The following CDNF variants were observed in gnomAD, a reference collection of about 807,000 sequenced individuals.
CDNF encodes cerebral dopamine neurotrophic factor, also known as ARMET-like protein 1.
CDNF carries 9 observed loss-of-function variants against 14.8 expected under a neutral mutation model. That is an observed-to-expected ratio of 0.61 (90% confidence interval 0.37 to 1.06). CDNF has a LOEUF of 1.06. CDNF is among the 50% of genes least tolerant of loss of function. CDNF has a pLI of 0.01. For missense variants in CDNF, 228 were observed against 228.4 expected (o/e 1.00, Z 0.01); for synonymous variants, 86 against 87.2 (o/e 0.99, Z 0.07).
chr10:14,828,330 C>A, intron 1 of CDNF, 58 bp from the exon 2 acceptor site: 1 of 1,548,326 alleles, frequency 6.5e-7, no homozygotes, highest in South Asian at 1.1e-5. Flanking sequence ...CACACCTATG[C>A]ATATGACCCA....
In CDNF at chr10:14,826,194, CAGAAGA is replaced by C. The variant is rs372563801; in HGVS notation, c.244-580_244-575del. Among the ~76,000 whole-genome samples, 893 of 113,334 alleles carry C rather than the reference CAGAAGA, an allele frequency of 7.9e-3. 28 individuals carry two copies. The highest frequency in any genetic ancestry group is 0.023 in the African/African-American group (610 of 26,220). 74.4% of individuals were successfully genotyped at this position (113,334 alleles called of 152,430 possible). ...GAAGCAGCAGCAGAAGCAGAAGCAG[CAGAAGA>C]AGAAGAAGAAGAAGAAGAAGCAGAA... is the stretch of plus-strand genomic sequence containing the variant. On this transcript the variant is annotated intron_variant, in intron 2 of 3. Transcript: ENST00000465530.
chr10:14,832,084 T>C (rs958622267), intron 1 of CDNF, among the ~76,000 whole-genome samples: 2 of 151,924 alleles, frequency 1.3e-5, no homozygotes, highest in African/African-American at 4.8e-5. Flanking sequence ...AGAAGAAAAA[T>C]AAACATGGTA....
intron 1 of CDNF, among the ~76,000 whole-genome samples, chr10:14,830,492 G>T (rs1174134266): frequency 6.6e-6 from 1 of 152,068 alleles, no homozygotes; most frequent in African/African-American, 2.4e-5. Flanking sequence ...CTATTTCTTA[G>T]AACTTTAACT....
chr10:14,831,567 C>CAT (rs538217592), intron 1 of CDNF, among the ~76,000 whole-genome samples: 3,390 of 145,712 alleles, frequency 0.023, 51 homozygotes, highest in East Asian at 0.11. Flanking sequence ...CACACACACA[C>CAT]ATATATATAT....
intron 3 of CDNF, among the ~76,000 whole-genome samples, chr10:14,823,393 CAAT>C (rs1181384224): frequency 3.3e-5 from 5 of 152,070 alleles, no homozygotes; most frequent in African/African-American, 7.2e-5. Context: ...CATTTCGTCT[CAAT>C]AATATCTGAT....
At chr10:14,826,388 A>C (rs370437008) in intron 2 of CDNF, among the ~76,000 whole-genome samples, 20 of 151,642 alleles carry the variant, frequency 1.3e-4, no homozygotes, top group African/African-American at 2.9e-4. Flanking sequence ...GCAGAAGAAG[A>C]AGCAGAAGAA....
At chr10:14,823,489 CAA>C (rs1400725885) in intron 3 of CDNF, among the ~76,000 whole-genome samples, 1 of 152,144 alleles carries the variant, frequency 6.6e-6, no homozygotes, top group Admixed American at 6.6e-5. Context: ...TTTAAAAAAT[CAA>C]AAGAGGTTTG....
At chr10:14,836,237 G>T (rs928877498) in intron 1 of CDNF, 59 of 152,270 alleles carry the variant, frequency 3.9e-4, no homozygotes, top group African/African-American at 1.3e-3. Flanking sequence ...GCAGAATCTG[G>T]TTCTTTTAGT....
Position 14,828,324 on chromosome 10 carries a change from C to G in CDNF, c.116-52G>C, listed in dbSNP as rs772918858. The G allele has an allele frequency of 2.0e-5, 32 of 1,580,864 alleles. No homozygotes were observed. The East Asian group carries it at 6.5e-4, about 32-fold the overall frequency. On this transcript the variant is annotated intron_variant, in intron 1 of 3. Transcript: ENST00000465530. ...CATGCACAACTTAACCACTACCACA[C>G]CTATGCATATGACCCACTAACCACA...
intron 2 of CDNF, 65 bp from the exon 3 acceptor site, chr10:14,825,685 T>G: frequency 2.0e-6 from 3 of 1,529,410 alleles, no homozygotes; most frequent in Non-Finnish European, 2.7e-6. Context: ...ATTCCAGTAA[T>G]GAAGGAATAC....
At position 14,819,983 on chromosome 10, in the gene CDNF, G is replaced by C; in HGVS notation, c.561C>G (p.Leu187=). ...ACAAATGTGCTGGCATTGGAGATCAGAGCTCTGTTTTGGGGTGTGTCGCTG... is the reference window on the plus strand; with the variant it reads ...ACAAATGTGCTGGCATTGGAGATCACAGCTCTGTTTTGGGGTGTGTCGCTG... ...KYAATHPKTE[L] The change falls in exon 4 of 4, where the codon CTC becomes CTG. Residue 187 remains leucine, a synonymous_variant. Coordinates refer to ENST00000465530, the MANE Select transcript of CDNF (RefSeq NM_001029954.3). 1 of 1,612,720 alleles carries C rather than the reference G, an allele frequency of 6.2e-7. No homozygotes were observed. The highest frequency in any genetic ancestry group is 8.5e-7 in the Non-Finnish European group (1 of 1,179,626).
At chr10:14,834,028 T>A (rs1833866318) in intron 1 of CDNF, among the ~76,000 whole-genome samples, 1 of 152,212 alleles carries the variant, frequency 6.6e-6, no homozygotes, top group Admixed American at 6.5e-5. Context: ...CTGTAATGAT[T>A]AATGCTACAA....
rs1833722326 is a variant in CDNF at position 14,819,852 on chromosome 10, A to G, written c.*128T>C. 1 of 930,250 alleles carries G rather than the reference A, an allele frequency of 1.1e-6. No homozygotes were observed. Among genetic ancestry groups the G allele is most frequent in the Non-Finnish European group, 1.6e-6 (1 of 621,392 alleles). The allele number at this position is 930,250 out of a possible 1,614,324, so 57.6% of individuals were successfully genotyped here. Reference sequence around the variant, plus strand: ...AACCCACGTAACAAAATTCTGAGGAATAATACCAACACAAAAAGCATGAGA... The same window carrying G: ...AACCCACGTAACAAAATTCTGAGGAGTAATACCAACACAAAAAGCATGAGA... On this transcript the variant is annotated 3_prime_UTR_variant, in exon 4 of 4. Coordinates refer to ENST00000465530, the MANE Select transcript of CDNF (RefSeq NM_001029954.3).
intron 1 of CDNF, among the ~76,000 whole-genome samples, chr10:14,831,350 G>A (rs114215511): frequency 0.018 from 2,677 of 151,496 alleles, 77 homozygotes; most frequent in African/African-American, 0.062. Context: ...TTGGCTTCTG[G>A]GTATGCCTTC....
intron 1 of CDNF, among the ~76,000 whole-genome samples, chr10:14,829,976 C>T (rs749172399): frequency 7.9e-5 from 12 of 152,014 alleles, no homozygotes; most frequent in Non-Finnish European, 1.3e-4. Flanking sequence ...CCTGGTGCCT[C>T]GTTTCTTTGT....
At chr10:14,822,083 G>A (rs1301830404) in intron 3 of CDNF, among the ~76,000 whole-genome samples, 1 of 152,196 alleles carries the variant, frequency 6.6e-6, no homozygotes, top group Admixed American at 6.5e-5. Flanking sequence ...AAACTCACCT[G>A]ATGCCCAGCC....
chr10:14,831,220 T>C (rs1833840872), intron 1 of CDNF, among the ~76,000 whole-genome samples: 1 of 152,096 alleles, frequency 6.6e-6, no homozygotes, highest in Non-Finnish European at 1.5e-5. Context: ...CTGGGACTTG[T>C]GTTTATTTAG....
intron 3 of CDNF, among the ~76,000 whole-genome samples, chr10:14,822,612 G>A (rs561731191): frequency 4.0e-5 from 6 of 151,170 alleles, no homozygotes; most frequent in South Asian, 2.1e-4. Context: ...CCGCTTGTCC[G>A]GTGTTCACTT....
At chr10:14,837,323 T>C (rs1833900645) in intron 1 of CDNF, among the ~76,000 whole-genome samples, 1 of 152,242 alleles carries the variant, frequency 6.6e-6, no homozygotes, top group Admixed American at 6.5e-5. Flanking sequence ...TATTCCTCTC[T>C]TTCCCAAGGA....
Sources: gnomAD v4.1 joint callset for allele counts (sites outside exome capture counted in the v4.1 genomes callset) on GRCh38, gnomAD v4.1.1 for gene constraint, MANE v1.5 for transcripts, NCBI Gene and HGNC (gene_info 2026-07-23, HGNC 2026-07-21) for gene names.